CENPE: variants seen among roughly 807,000 people sequenced by gnomAD.
CENPE encodes centromere protein E, also known as centromere-associated protein E.
Under a neutral mutation model 336.1 loss-of-function variants are expected in CENPE, and 145 were observed. The observed-to-expected ratio is 0.43, with a 90% CI of 0.38 to 0.50. The LOEUF (loss-of-function observed/expected upper bound fraction) is 0.50. Among genes scored for constraint, CENPE ranks in the 20% least tolerant of loss-of-function variants. The pLI is 0.00. For synonymous variants in CENPE, 1,013 were observed against 984.8 expected, an observed-to-expected ratio of 1.03 and a Z score of -0.54; for missense variants, 2,719 against 3,023.3, an observed-to-expected ratio of 0.90 and a Z score of 2.36.
chr4:103,116,199 G>A (rs1461885886), intron 45 of CENPE, among the ~76,000 whole-genome samples: 1 of 150,920 alleles, frequency 6.6e-6, no homozygotes, highest in African/African-American at 2.4e-5. Flanking sequence ...ACACAGTAAG[G>A]CCAACAAATG....
chr4:103,130,852 T>G (rs1751521806), intron 42 of CENPE, among the ~76,000 whole-genome samples: 1 of 145,832 alleles, frequency 6.9e-6, no homozygotes, highest in Non-Finnish European at 1.5e-5. Context: ...CATAGTCAAA[T>G]GATCATTGAC....
Position 103,174,914 on chromosome 4 carries a change from C to A in CENPE, c.1480-11G>T. 1 of 1,414,504 alleles carries A rather than the reference C, an allele frequency of 7.1e-7. No individual in the cohort carries two copies. The highest frequency in any genetic ancestry group is 3.5e-5 in the Admixed American group (1 of 28,274). 87.6% of individuals were successfully genotyped at this position (1,414,504 alleles called of 1,614,324 possible). On this transcript the variant is annotated splice_polypyrimidine_tract_variant and intron_variant, in intron 15 of 48. Transcript: ENST00000265148. ...ACTTTCTATATTCTCCTATTATAAA[C>A]AAGAACAGATTTTCCAATCAGAAAA...
intron 44 of CENPE, among the ~76,000 whole-genome samples, chr4:103,119,042 CT>C (rs1364303965): frequency 6.6e-6 from 1 of 152,126 alleles, no homozygotes; most frequent in East Asian, 1.9e-4. Context: ...TGTGACATTC[CT>C]CAACTCCTGT....
intron 9 of CENPE, among the ~76,000 whole-genome samples, chr4:103,185,567 A>G (rs1756700269): frequency 6.6e-6 from 1 of 152,074 alleles, no homozygotes; most frequent in Admixed American, 6.5e-5. Context: ...CCTGCTGTAC[A>G]ATCCCATCAA....
chr4:103,122,437 T>C (rs770344173), intron 43 of CENPE, among the ~76,000 whole-genome samples: 1 of 152,208 alleles, frequency 6.6e-6, no homozygotes, highest in Non-Finnish European at 1.5e-5. Flanking sequence ...TAACCTCTTA[T>C]ATTTTTATTG....
chr4:103,107,586 C>T (rs1167445235), intron 48 of CENPE, among the ~76,000 whole-genome samples: 1 of 152,156 alleles, frequency 6.6e-6, no homozygotes, highest in Admixed American at 6.5e-5. Context: ...AGAAAGACTA[C>T]AAGAAATGCC....
intron 1 of CENPE, among the ~76,000 whole-genome samples, chr4:103,197,643 T>C (rs1723688269): frequency 6.6e-6 from 1 of 152,190 alleles, no homozygotes; most frequent in Non-Finnish European, 1.5e-5. Context: ...AGCAAACCGA[T>C]TTCATTTATT....
Position 103,191,660 on chromosome 4 carries a change from A to AC in CENPE, c.693+2568_693+2569insG, listed in dbSNP as rs563462183. Among the ~76,000 whole-genome samples the AC allele has an allele frequency of 8.3e-5, 6 of 72,542 alleles. No individual in the cohort carries two copies. The East Asian group carries it at 2.2e-3, about 26-fold the overall frequency. 47.6% of individuals were successfully genotyped at this position (72,542 alleles called of 152,430 possible). On this transcript the variant is annotated intron_variant, in intron 8 of 48. Coordinates refer to ENST00000265148, the MANE Select transcript of CENPE (RefSeq NM_001813.3). ...CCGGGGCCTGTTGTGGGGTGGGGGG[A>AC]GGGGGGGATAGCATTAGGAGATATA... is the stretch of plus-strand genomic sequence containing the variant.
At chr4:103,187,161 G>A (rs1046186154) in intron 8 of CENPE, among the ~76,000 whole-genome samples, 1 of 152,186 alleles carries the variant, frequency 6.6e-6, no homozygotes, top group African/African-American at 2.4e-5. Flanking sequence ...ATCCTGCAGA[G>A]TGTTTTCCTA....
chr4:103,153,843 C>T (rs1169354802), intron 24 of CENPE, among the ~76,000 whole-genome samples: 3 of 152,054 alleles, frequency 2.0e-5, no homozygotes, highest in African/African-American at 7.2e-5. Context: ...AGAGGCAGTC[C>T]TACTTACAAA....
At chr4:103,194,500 A>C in intron 6 of CENPE, 59 bp from the exon 7 acceptor site, 2 of 1,466,072 alleles carry the variant, frequency 1.4e-6, no homozygotes, top group Non-Finnish European at 1.9e-6. Context: ...AAACACAATA[A>C]TTTTTATTTT....
intron 47 of CENPE, 94 bp downstream of exon 47, chr4:103,110,734 G>A (rs1486918060): frequency 1.2e-6 from 1 of 869,140 alleles, no homozygotes; most frequent in Non-Finnish European, 1.7e-6. Flanking sequence ...TGACTGAAGT[G>A]TTACCACCTG....
chr4:103,145,843 C>A lies in CENPE; in HGVS notation c.4399G>T (p.Glu1467Ter). 6.3e-7 allele frequency: 1 copy of A among 1,594,062 alleles called. No homozygotes were observed. The highest frequency in any genetic ancestry group is 8.5e-7 in the Non-Finnish European group (1 of 1,174,058). The change falls in exon 30 of 49, where the codon GAA becomes TAA. Residue 1467 changes from glutamate (E) to a stop codon, truncating the protein, a stop_gained. Transcript: ENST00000265148. LOFTEE classifies it high-confidence loss of function. ...ATGAAACCTACTTTAGCTACAATTT[C>A]TTTTATGTTTTCTTTGAGCTGGTCA... ...ESDQLKENIK[E>*]IVAKHLETEE...
chr4:103,129,036 T>C (rs972276070), intron 42 of CENPE, among the ~76,000 whole-genome samples: 4 of 152,156 alleles, frequency 2.6e-5, no homozygotes, highest in African/African-American at 7.2e-5. Context: ...GACATCACTA[T>C]AGAGCCCATG....
intron 8 of CENPE, among the ~76,000 whole-genome samples, chr4:103,189,611 T>C (rs1285367311): frequency 2.0e-5 from 3 of 152,180 alleles, no homozygotes; most frequent in African/African-American, 7.2e-5. Flanking sequence ...CTAAAAACTC[T>C]CAATAAGTTA....
chr4:103,122,987 A>G lies in CENPE; in HGVS notation c.7027T>C (p.Phe2343Leu). 6.2e-7 allele frequency: 1 copy of G among 1,613,894 alleles called. No homozygotes were observed. The highest frequency in any genetic ancestry group is 8.5e-7 in the Non-Finnish European group (1 of 1,179,834). ...KSLKEKNEKL[F>L]KNYQTLKTSL... ...GTCTTCAATGTTTGGTAGTTTTTAA[A>G]TAGTTTTTCATTTTTCTCTTTCAGT... The change falls in exon 43 of 49, where the codon TTT (phenylalanine) becomes CTT (leucine). Residue 2343 changes from phenylalanine to leucine, a missense_variant. Physicochemically the swap from Phe to Leu is conservative, Grantham distance 22. Coordinates refer to ENST00000265148, the MANE Select transcript of CENPE (RefSeq NM_001813.3).
chr4:103,188,304 A>G (rs1451386825), intron 8 of CENPE, among the ~76,000 whole-genome samples: 2 of 152,224 alleles, frequency 1.3e-5, no homozygotes, highest in African/African-American at 4.8e-5. Flanking sequence ...CCTAATAGAC[A>G]TCTATAGAAC....
chr4:103,131,456 A>G (rs1333061862), intron 42 of CENPE, among the ~76,000 whole-genome samples: 1 of 152,204 alleles, frequency 6.6e-6, no homozygotes, highest in Non-Finnish European at 1.5e-5. Context: ...GACAACACCA[A>G]ATGCTGATGA....
At chr4:103,127,696 G>A (rs1275577152) in intron 42 of CENPE, among the ~76,000 whole-genome samples, 6 of 152,070 alleles carry the variant, frequency 3.9e-5, no homozygotes, top group Non-Finnish European at 7.4e-5. Context: ...GAAGTGGAAA[G>A]TGTTATTTGA....
Sources: allele counts gnomAD v4.1 joint callset (sites outside exome capture counted in the v4.1 genomes callset), GRCh38; gene constraint gnomAD v4.1.1; transcripts MANE v1.5; gene names NCBI Gene and HGNC (gene_info 2026-07-23, HGNC 2026-07-21).